The following EIPR1 variants were observed in gnomAD, a reference collection of about 807,000 sequenced individuals.
The protein encoded by EIPR1 is EARP and GARP complex-interacting protein 1.
EIPR1 carries 25 observed loss-of-function variants against 48.1 expected under a neutral mutation model. The ratio of observed to expected loss-of-function variants is 0.52; its 90% confidence interval spans 0.38 to 0.73. The LOEUF (loss-of-function observed/expected upper bound fraction) is 0.73, where lower values mean the gene tolerates loss of function less well. EIPR1 is among the 30% of genes least tolerant of loss of function. EIPR1 has a pLI of 0.00. For synonymous variants in EIPR1, 204 were observed against 201.9 expected (o/e 1.01, Z -0.09); for missense variants, 415 against 506.2 (o/e 0.82, Z 1.73).
intron 3 of EIPR1, among the ~76,000 whole-genome samples, chr2:3,329,346 G>C (rs964835692): frequency 6.6e-5 from 10 of 152,112 alleles, no homozygotes; most frequent in Non-Finnish European, 1.5e-5. Context: ...ACGCTCTAAT[G>C]ATCTCGGGAT....
At chr2:3,363,216 G>A (rs1037853723) in intron 1 of EIPR1, among the ~76,000 whole-genome samples, 1 of 152,038 alleles carries the variant, frequency 6.6e-6, no homozygotes, top group Non-Finnish European at 1.5e-5. Flanking sequence ...CAAAAGAAAC[G>A]AGCACAGGTG....
intron 1 of EIPR1, 140 bp downstream of exon 1, chr2:3,377,508 T>C: frequency 8.7e-7 from 1 of 1,154,658 alleles, no homozygotes; most frequent in Non-Finnish European, 1.2e-6. Context: ...TCAGTTTACT[T>C]CTCTGCAAAA....
chr2:3,346,906 T>C (rs1188043269), intron 2 of EIPR1, among the ~76,000 whole-genome samples: 1 of 152,178 alleles, frequency 6.6e-6, no homozygotes, highest in African/African-American at 2.4e-5. Context: ...CGAAATCTCA[T>C]GTTGAATTGT....
intron 1 of EIPR1, among the ~76,000 whole-genome samples, chr2:3,372,702 G>C (rs985376299): frequency 1.3e-5 from 2 of 152,152 alleles, no homozygotes; most frequent in African/African-American, 4.8e-5. Flanking sequence ...TCTCTGAATA[G>C]ACCAATAATA....
In EIPR1 at chr2:3,244,778, GA is replaced by G. The variant is rs748416353; in HGVS notation, c.416+12520del. Among the ~76,000 whole-genome samples, 13 of 152,326 alleles carry G rather than the reference GA, an allele frequency of 8.5e-5. 1 individual carries two copies. Among genetic ancestry groups the G allele is most frequent in the Middle Eastern group, 6.8e-3 (2 of 294 alleles). ...TGTCTGGAAGCTACCTGGTTTATGGGATTGTGCTAAAGCAGCCCAAATGGAC... is the reference window on the plus strand; with the variant it reads ...TGTCTGGAAGCTACCTGGTTTATGGGTTGTGCTAAAGCAGCCCAAATGGAC... On this transcript the variant is annotated intron_variant, in intron 4 of 8. Transcript: ENST00000382125.
rs1669042275 is a variant in EIPR1 at position 3,309,075 on chromosome 2, T to C, written c.259+28942A>G. 2.6e-5 allele frequency among the ~76,000 whole-genome samples: 4 copies of C among 152,174 alleles called. 1 individual carries two copies. Among genetic ancestry groups the C allele is most frequent in the Admixed American group, 6.5e-5 (1 of 15,288 alleles). Reference sequence around the variant, plus strand: ...AGAACAACGAATGGGCAAAAACCAGTAAATACAGTAGACATCTTTCTCCTC... The same window carrying C: ...AGAACAACGAATGGGCAAAAACCAGCAAATACAGTAGACATCTTTCTCCTC... On this transcript the variant is annotated intron_variant, in intron 3 of 8. Coordinates refer to ENST00000382125, the MANE Select transcript of EIPR1 (RefSeq NM_003310.5).
In EIPR1 at chr2:3,286,864, G is replaced by T. The variant is rs1418599599; in HGVS notation, c.260-29409C>A. 6.6e-6 allele frequency among the ~76,000 whole-genome samples: 1 copy of T among 151,618 alleles called. No homozygotes were observed. Among genetic ancestry groups the T allele is most frequent in the Non-Finnish European group, 1.5e-5 (1 of 67,994 alleles). On this transcript the variant is annotated intron_variant, in intron 3 of 8. Coordinates refer to ENST00000382125, the MANE Select transcript of EIPR1 (RefSeq NM_003310.5). The surrounding 1 kb of genome is among the most constrained non-coding windows in gnomAD (Gnocchi z 4.2). ...GCCAGCCGGCAGAGGGGGCTGTGGG[G>T]AGCACACAGAGTGCCAGCCAGCAGA...
rs1268738869 is a variant in EIPR1 at position 3,227,067 on chromosome 2, A to T, written c.417-12819T>A. ...CAAATACGGTAAATTGGTACTGCAG[A>T]GAGTGAGGCACTGCTGTAAAGACAC... On this transcript the variant is annotated intron_variant, in intron 4 of 8. Coordinates refer to ENST00000382125, the MANE Select transcript of EIPR1 (RefSeq NM_003310.5). Among the ~76,000 whole-genome samples the T allele has an allele frequency of 2.6e-5, 4 of 152,332 alleles. No individual in the cohort carries two copies. The East Asian group carries it at 7.7e-4, about 29-fold the overall frequency.
At chr2:3,343,610 G>C (rs1233313331) in intron 2 of EIPR1, among the ~76,000 whole-genome samples, 1 of 152,098 alleles carries the variant, frequency 6.6e-6, no homozygotes, top group Non-Finnish European at 1.5e-5. Flanking sequence ...ACCAGTGCTG[G>C]GCTAAGGCTA....
chr2:3,217,735 C>T (rs941083244), intron 4 of EIPR1, among the ~76,000 whole-genome samples: 4 of 152,244 alleles, frequency 2.6e-5, no homozygotes, highest in African/African-American at 9.6e-5. Flanking sequence ...AGAAACCACG[C>T]ATCACAAAAA....
intron 5 of EIPR1, chr2:3,208,450 G>A (rs755893441): frequency 5.0e-5 from 74 of 1,487,500 alleles, no homozygotes; most frequent in Middle Eastern, 1.8e-4. Context: ...TGCTTCCGTC[G>A]TTAGCTTTCC....
At chr2:3,370,143 C>T (rs1255941584) in intron 1 of EIPR1, among the ~76,000 whole-genome samples, 3 of 152,126 alleles carry the variant, frequency 2.0e-5, no homozygotes, top group Non-Finnish European at 4.4e-5. Flanking sequence ...TGGAGTGGAC[C>T]TCTAGCAAAC....
At chr2:3,193,932 G>A (rs1206922135) in intron 7 of EIPR1, 67 bp downstream of exon 7, 3 of 1,560,942 alleles carry the variant, frequency 1.9e-6, no homozygotes, top group Non-Finnish European at 2.6e-6. Context: ...CTTTCCCAAT[G>A]GTAAAGTAAT....
intron 4 of EIPR1, among the ~76,000 whole-genome samples, chr2:3,240,809 C>A (rs377702323): frequency 7.7e-6 from 1 of 129,494 alleles, no homozygotes; most frequent in African/African-American, 3.0e-5. Context: ...AGCCAGCAGA[C>A]CCTTCCTAAA....
chr2:3,208,487 G>A (rs1423713904), intron 5 of EIPR1: 12 of 1,519,412 alleles, frequency 7.9e-6, no homozygotes, highest in East Asian at 2.5e-5. Context: ...TTGGGAGGGG[G>A]CCCAATTATA....
intron 3 of EIPR1, among the ~76,000 whole-genome samples, chr2:3,291,952 G>A (rs1287024500): frequency 2.0e-5 from 3 of 152,240 alleles, no homozygotes; most frequent in Admixed American, 6.5e-5. Flanking sequence ...TCCTGTGGCC[G>A]TCAGGGGCCC....
intron 3 of EIPR1, among the ~76,000 whole-genome samples, chr2:3,299,603 TTCTCTCTC>T (rs141965173): frequency 4.1e-5 from 6 of 145,282 alleles, no homozygotes; most frequent in South Asian, 2.3e-4. Context: ...GGAAAATATT[TTCTCTCTC>T]TCTCTCTCTC....
chr2:3,360,258 G>T (rs71449662), intron 1 of EIPR1, among the ~76,000 whole-genome samples: 1 of 152,108 alleles, frequency 6.6e-6, no homozygotes, highest in Non-Finnish European at 1.5e-5. Context: ...ACAAAACTTA[G>T]CTGGGCGTGG....
At position 3,239,362 on chromosome 2, in the gene EIPR1, G is replaced by T. The variant is rs558414624; in HGVS notation, c.416+17937C>A. On this transcript the variant is annotated intron_variant, in intron 4 of 8. Transcript: ENST00000382125. ...CGCCTTCACACAGGAAATACGGCTGGGGAATCTTCCAGCACAGACAACCCA... is the reference window on the plus strand; with the variant it reads ...CGCCTTCACACAGGAAATACGGCTGTGGAATCTTCCAGCACAGACAACCCA... 2.0e-4 allele frequency among the ~76,000 whole-genome samples: 31 copies of T among 152,354 alleles called. No homozygotes were observed. In the South Asian group the frequency reaches 2.3e-3, roughly 11 times the overall value.
Sources: gnomAD v4.1 joint callset for allele counts (sites outside exome capture counted in the v4.1 genomes callset) on GRCh38, gnomAD v4.1.1 for gene constraint, Gnocchi (gnomAD v3.1) non-coding constraint, MANE v1.5 for transcripts, NCBI Gene and HGNC (gene_info 2026-07-23, HGNC 2026-07-21) for gene names.